The following CFAP20DC variants were observed in gnomAD, a reference collection of about 807,000 sequenced individuals.
CFAP20DC encodes CFAP20 domain containing, also known as protein CFAP20DC.
A neutral mutation model predicts 101.7 loss-of-function variants in CFAP20DC; 84 were observed. The observed-to-expected ratio is 0.83, with a 90% CI of 0.69 to 0.99. The LOEUF (loss-of-function observed/expected upper bound fraction) is 0.99. Ranked by LOEUF, CFAP20DC falls within the 50% of genes least tolerant of loss-of-function variation. The pLI is 0.00. For synonymous variants in CFAP20DC, 359 were observed against 351.2 expected (o/e 1.02, Z -0.25); for missense variants, 1,007 against 970.3 (o/e 1.04, Z -0.50).
intron 4 of CFAP20DC, among the ~76,000 whole-genome samples, chr3:58,988,219 G>GA (rs574940492): frequency 1.1e-3 from 163 of 152,036 alleles, no homozygotes; most frequent in Non-Finnish European, 1.9e-3. Context: ...GACAGGTGCA[G>GA]AAAAAAAGCA....
chr3:59,037,550 T>C (rs2094126476), intron 4 of CFAP20DC, among the ~76,000 whole-genome samples: 1 of 152,098 alleles, frequency 6.6e-6, no homozygotes, highest in Admixed American at 6.5e-5. Flanking sequence ...TCACTGGTCT[T>C]GAGAGAAATG....
At chr3:58,816,425 T>G (rs1223149815) in intron 14 of CFAP20DC, among the ~76,000 whole-genome samples, 1 of 152,144 alleles carries the variant, frequency 6.6e-6, no homozygotes, top group African/African-American at 2.4e-5. Context: ...CACAGGCCAG[T>G]GGGTGCGTGC....
chr3:58,866,095 G>A (rs1186884159), intron 11 of CFAP20DC, among the ~76,000 whole-genome samples: 1 of 152,172 alleles, frequency 6.6e-6, no homozygotes, highest in Non-Finnish European at 1.5e-5. Flanking sequence ...TTTTAATGAA[G>A]GTTTCAACGT....
intron 13 of CFAP20DC, among the ~76,000 whole-genome samples, chr3:58,847,423 C>T (rs1285154365): frequency 5.4e-5 from 8 of 148,988 alleles, no homozygotes; most frequent in South Asian, 4.3e-4. Context: ...AAAATGCTCA[C>T]CATCACTGGC....
chr3:58,905,051 G>C (rs1291856374), intron 6 of CFAP20DC, among the ~76,000 whole-genome samples: 1 of 152,132 alleles, frequency 6.6e-6, no homozygotes, highest in Admixed American at 6.5e-5. Context: ...GCCTTCCAGG[G>C]CCTCTTAGTC....
chr3:58,992,427 T>G (rs1448629590), intron 4 of CFAP20DC: 4 of 305,456 alleles, frequency 1.3e-5, no homozygotes, highest in South Asian at 1.3e-4. Flanking sequence ...GCCCTAACTA[T>G]GTACTGGCAC....
rs1699843807 is a variant in CFAP20DC, at chr3:59,046,159, T to C, written c.205+70A>G. On this transcript the variant is annotated intron_variant, in intron 3 of 16. Coordinates refer to ENST00000482387, the MANE Select transcript of CFAP20DC (RefSeq NM_001394063.1). The stretch of plus-strand genomic sequence containing the variant: ...TCAGTAGAAGTCATACTAATGTGCC[T>C]GTTTATGAGACATAAAAGCAGAACT... The C allele has an allele frequency of 5.7e-6, 6 of 1,043,720 alleles. No homozygotes were observed. The Admixed American group carries it at 1.4e-4, about 24-fold the overall frequency. The allele number at this position is 1,043,720 out of a possible 1,614,324, so 64.7% of individuals were successfully genotyped here.
At position 58,941,314 on chromosome 3, in the gene CFAP20DC, C is replaced by G. The variant is rs1229467269; in HGVS notation, c.279-3552G>C. ...ACTGCACTCCAGCCTGGCGACAGAG[C>G]GAGACTCCGTCTCAAAAAAAAAAAA... On this transcript the variant is annotated intron_variant, in intron 4 of 16. Transcript: ENST00000482387. Among the ~76,000 whole-genome samples the G allele has an allele frequency of 3.7e-5, 4 of 109,258 alleles. No individual in the cohort carries two copies. In the South Asian group the frequency reaches 1.1e-3, roughly 31 times the overall value. The allele number at this position is 109,258 out of a possible 152,430, so 71.7% of individuals were successfully genotyped here.
intron 15 of CFAP20DC, among the ~76,000 whole-genome samples, chr3:58,798,819 C>T (rs2073449077): frequency 6.6e-6 from 1 of 152,188 alleles, no homozygotes; most frequent in Admixed American, 6.5e-5. Context: ...GACCCTCCAC[C>T]AGCAAAAAGA....
At position 58,867,941 on chromosome 3, in the gene CFAP20DC, A is replaced by G. The variant is rs1286270475; in HGVS notation, c.1016-5T>C. 2 of 1,601,988 alleles carry G rather than the reference A, an allele frequency of 1.2e-6. No individual in the cohort carries two copies. Among genetic ancestry groups the G allele is most frequent in the Non-Finnish European group, 1.7e-6 (2 of 1,174,984 alleles). On this transcript the variant is annotated splice_polypyrimidine_tract_variant and splice_region_variant and intron_variant, in intron 9 of 16. Coordinates refer to ENST00000482387, the MANE Select transcript of CFAP20DC (RefSeq NM_001394063.1). Reference sequence around the variant, plus strand: ...GCATAATATGTAGATTGGCTGCTACATTTTCATATCAAAGCACAAAAGCCA... The same window carrying G: ...GCATAATATGTAGATTGGCTGCTACGTTTTCATATCAAAGCACAAAAGCCA...
downstream of CFAP20DC, among the ~76,000 whole-genome samples, chr3:58,740,734 A>G (rs1407417123): frequency 1.3e-5 from 2 of 152,144 alleles, no homozygotes; most frequent in East Asian, 3.8e-4. This position sits in a 1 kb window ranked among gnomAD's most constrained non-coding sequence, Gnocchi z 4.6. Context: ...TATAACTACA[A>G]GTCTTCACGA....
intron 4 of CFAP20DC, among the ~76,000 whole-genome samples, chr3:59,012,795 G>A (rs1296080650): frequency 2.0e-5 from 3 of 152,236 alleles, no homozygotes; most frequent in African/African-American, 7.2e-5. Context: ...AGACTTGAGA[G>A]ATGAGATTAA....
chr3:58,838,098 T>G (rs1315197921), intron 13 of CFAP20DC, among the ~76,000 whole-genome samples: 2 of 152,174 alleles, frequency 1.3e-5, no homozygotes, highest in African/African-American at 2.4e-5. Flanking sequence ...GCACAAGCTG[T>G]AAGTGACACA....
At chr3:59,029,911 C>T (rs775800132) in intron 4 of CFAP20DC, among the ~76,000 whole-genome samples, 22 of 152,130 alleles carry the variant, frequency 1.4e-4, no homozygotes, top group African/African-American at 4.8e-4. Context: ...AATTACCTAT[C>T]GACTGAATGA....
intron 15 of CFAP20DC, among the ~76,000 whole-genome samples, chr3:58,793,521 T>C (rs2073016771): frequency 6.6e-6 from 1 of 152,108 alleles, no homozygotes; most frequent in Non-Finnish European, 1.5e-5. Context: ...AATAGGAGTG[T>C]TGTTGAAAAG....
rs1160485386 is a variant in CFAP20DC at position 58,912,374 on chromosome 3, A to G, written c.550+1334T>C. On this transcript the variant is annotated intron_variant, in intron 6 of 16. Coordinates refer to ENST00000482387, the MANE Select transcript of CFAP20DC (RefSeq NM_001394063.1). This position sits in a 1 kb window ranked among gnomAD's most constrained non-coding sequence, Gnocchi z 4.4. ...TCTCGTATAGTCTGTAAGTGGGTACATAAGATGAGCAGCCACACTGTGGTG... is the reference window on the plus strand; with the variant it reads ...TCTCGTATAGTCTGTAAGTGGGTACGTAAGATGAGCAGCCACACTGTGGTG... Among the ~76,000 whole-genome samples, 1 of 152,190 alleles carries G rather than the reference A, an allele frequency of 6.6e-6. No homozygotes were observed. The highest frequency in any genetic ancestry group is 2.4e-5 in the African/African-American group (1 of 41,454).
chr3:58,924,530 T>C (rs2085738336), intron 5 of CFAP20DC, among the ~76,000 whole-genome samples: 1 of 152,196 alleles, frequency 6.6e-6, no homozygotes, highest in Non-Finnish European at 1.5e-5. Flanking sequence ...AGTTCTGTAA[T>C]AAACATATTA....
chr3:58,884,439 G>A (rs1199462602), intron 7 of CFAP20DC, 106 bp downstream of exon 7: 4 of 1,038,568 alleles, frequency 3.9e-6, no homozygotes, highest in African/African-American at 3.2e-5. Flanking sequence ...TGTTAAGTGC[G>A]AAGGATATAG....
chr3:58,760,577 T>C (rs903826954), intron 15 of CFAP20DC, among the ~76,000 whole-genome samples: 2 of 152,118 alleles, frequency 1.3e-5, no homozygotes, highest in Non-Finnish European at 2.9e-5. Flanking sequence ...CTATGTTGAA[T>C]AGGAGTGGTG....
Sources: allele counts gnomAD v4.1 joint callset (sites outside exome capture counted in the v4.1 genomes callset), GRCh38; gene constraint gnomAD v4.1.1; non-coding constraint Gnocchi (gnomAD v3.1); transcripts MANE v1.5; gene names NCBI Gene and HGNC (gene_info 2026-07-23, HGNC 2026-07-21).